Variants in NBEA observed in about 807,000 individuals in gnomAD.
The protein encoded by NBEA is neurobeachin, also known as lysosomal-trafficking regulator 2.
In NBEA, 44 loss-of-function variants were observed where a neutral mutation model predicts 343.4. That is an observed-to-expected ratio of 0.13 (90% CI 0.10 to 0.16). NBEA has a LOEUF of 0.16. Among genes scored for constraint, NBEA ranks in the 10% least tolerant of loss-of-function variants. NBEA has a pLI of 1.00. For synonymous variants in NBEA, 1,175 were observed against 1,238.7 expected (o/e 0.95, Z 1.08); for missense variants, 2,555 against 3,631.3 (o/e 0.70, Z 7.62).
At chr13:35,117,987 A>G (rs2066590734) in intron 14 of NBEA, among the ~76,000 whole-genome samples, 1 of 152,020 alleles carries the variant, frequency 6.6e-6, no homozygotes. Context: ...AAATATGCTA[A>G]CTTTTTATAG....
At chr13:35,474,101 A>G (rs1449619162) in intron 41 of NBEA, 1 of 152,322 alleles carries the variant, frequency 6.6e-6, no homozygotes, top group African/African-American at 2.4e-5. Context: ...GGATTTCATT[A>G]GCATATTTCT....
intron 22 of NBEA, among the ~76,000 whole-genome samples, chr13:35,160,734 C>T (rs928496983): frequency 6.6e-6 from 1 of 152,124 alleles, no homozygotes; most frequent in African/African-American, 2.4e-5. Flanking sequence ...GTTTTGACCT[C>T]ACTGGAATAA....
intron 6 of NBEA, among the ~76,000 whole-genome samples, chr13:35,053,706 A>G (rs2063145426): frequency 6.6e-6 from 1 of 152,100 alleles, no homozygotes; most frequent in Non-Finnish European, 1.5e-5. Flanking sequence ...ATAATAATCA[A>G]TTTTAGCATA....
rs748404068 is a variant in NBEA, at chr13:35,159,645, A to G, written c.3474A>G (p.Leu1158=). The part of the protein sequence containing the change: ...FDKIPKQEEK[L]LPELSSNHII... ...AAATACCCAAACAGGAGGAAAAACT[A>G]CTTCCTGAACTTTCTAGCAATCACA... The change falls in exon 22 of 59, where the codon CTA becomes CTG. Residue 1158 remains leucine (L), a synonymous_variant. Transcript: ENST00000379939. The G allele has an allele frequency of 3.7e-6, 6 of 1,611,022 alleles. No individual in the cohort carries two copies. Among genetic ancestry groups the G allele is most frequent in the South Asian group, 3.3e-5 (3 of 90,712 alleles).
intron 40 of NBEA, among the ~76,000 whole-genome samples, chr13:35,468,258 G>A (rs918461895): frequency 5.3e-5 from 8 of 152,076 alleles, no homozygotes; most frequent in Non-Finnish European, 8.8e-5. Context: ...AGGCCATGGC[G>A]TTCTCTTGTT....
At chr13:35,253,175 G>A (rs181364647) in intron 34 of NBEA, among the ~76,000 whole-genome samples, 2 of 152,178 alleles carry the variant, frequency 1.3e-5, no homozygotes, top group Admixed American at 6.5e-5. Context: ...AAAAAAACCC[G>A]AAAATTGGAA....
chr13:35,355,590 C>T (rs1043638380), intron 38 of NBEA, among the ~76,000 whole-genome samples: 4 of 152,192 alleles, frequency 2.6e-5, no homozygotes, highest in Middle Eastern at 3.4e-3. Flanking sequence ...TTAGCATTCA[C>T]TGAGGGGGAA....
At chr13:35,468,111 C>G (rs1174384625) in intron 40 of NBEA, among the ~76,000 whole-genome samples, 1 of 145,492 alleles carries the variant, frequency 6.9e-6, no homozygotes, top group Non-Finnish European at 1.5e-5. Context: ...GATTTACACC[C>G]CCCCCCCACT....
intron 43 of NBEA, 107 bp downstream of exon 43, chr13:35,551,139 A>G: frequency 1.7e-6 from 1 of 603,016 alleles, no homozygotes. Flanking sequence ...TCAGAGACCA[A>G]AGAATTTTCT....
chr13:35,328,771 A>C (rs1364839914), intron 36 of NBEA, among the ~76,000 whole-genome samples: 1 of 149,444 alleles, frequency 6.7e-6, no homozygotes, highest in Admixed American at 6.6e-5. Flanking sequence ...AAATTCCAGC[A>C]GGGTTTTTTT....
At chr13:35,075,243 T>A (rs180946666) in intron 10 of NBEA, among the ~76,000 whole-genome samples, 5 of 152,150 alleles carry the variant, frequency 3.3e-5, no homozygotes, top group African/African-American at 4.8e-5. Context: ...TATCTGATTG[T>A]AATATGAATT....
chr13:35,484,369 C>T (rs1269257729), intron 41 of NBEA, among the ~76,000 whole-genome samples: 1 of 150,886 alleles, frequency 6.6e-6, no homozygotes, highest in Non-Finnish European at 1.5e-5. Context: ...CAACCTTAAC[C>T]TGCATTTGAT....
chr13:35,589,811 G>A (rs1053945587), intron 46 of NBEA, among the ~76,000 whole-genome samples: 1 of 152,058 alleles, frequency 6.6e-6, no homozygotes, highest in Non-Finnish European at 1.5e-5. Flanking sequence ...TCCAGTGCAG[G>A]CAAGGTGAGT....
chr13:35,214,540 C>G (rs936934126), intron 33 of NBEA, among the ~76,000 whole-genome samples: 5 of 151,666 alleles, frequency 3.3e-5, no homozygotes, highest in Admixed American at 2.0e-4. Flanking sequence ...AAATCCCTTG[C>G]TATCTTTTAA....
Position 35,176,870 on chromosome 13 carries a change from T to C in NBEA, c.4555-126T>C, listed in dbSNP as rs1232499939. On this transcript the variant is annotated intron_variant, in intron 27 of 58. Coordinates refer to ENST00000379939, the MANE Select transcript of NBEA (RefSeq NM_001385012.1). ...TATGCATTGTAATAGAGGATTATGA[T>C]CAATAAATGTTAACTCAGAGAGGTG... is the stretch of plus-strand genomic sequence containing the variant. 50 of 611,736 alleles carry C rather than the reference T, an allele frequency of 8.2e-5. No homozygotes were observed. The Admixed American group carries it at 1.4e-3, about 17-fold the overall frequency. The allele number at this position is 611,736 out of a possible 1,614,324, so 37.9% of individuals were successfully genotyped here.
intron 8 of NBEA, among the ~76,000 whole-genome samples, chr13:35,066,764 TC>T (rs1285205641): frequency 6.6e-6 from 1 of 152,086 alleles, no homozygotes; most frequent in Non-Finnish European, 1.5e-5. Context: ...ATTTCATTCA[TC>T]TTTAATGTGA....
chr13:35,012,874 G>T (rs888148224), intron 1 of NBEA, among the ~76,000 whole-genome samples: 4 of 152,012 alleles, frequency 2.6e-5, no homozygotes, highest in African/African-American at 9.7e-5. Context: ...ATTGAAAAAA[G>T]AAATTTTGTA....
At chr13:35,190,461 C>T (rs1448554951) in intron 30 of NBEA, among the ~76,000 whole-genome samples, 1 of 151,886 alleles carries the variant, frequency 6.6e-6, no homozygotes, top group Non-Finnish European at 1.5e-5. Context: ...GCAAGCATAC[C>T]CAAACACACA....
At chr13:35,100,969 T>C (rs938997791) in intron 11 of NBEA, among the ~76,000 whole-genome samples, 1 of 151,974 alleles carries the variant, frequency 6.6e-6, no homozygotes, top group African/African-American at 2.4e-5. Flanking sequence ...TGTCTTTTTG[T>C]ATTTGGTCCA....
Sources: gnomAD v4.1 joint callset for allele counts (sites outside exome capture counted in the v4.1 genomes callset) on GRCh38, gnomAD v4.1.1 for gene constraint, MANE v1.5 for transcripts, NCBI Gene and HGNC (gene_info 2026-07-23, HGNC 2026-07-21) for gene names.